The following SPMIP2 variants were observed in gnomAD, a reference collection of about 807,000 sequenced individuals.
SPMIP2 encodes protein SPMIP2.
At chr4:158,941,761 T>A in the SPMIP2 span, among the ~76,000 whole-genome samples, 98,724 of 151,590 alleles carry the variant, frequency 0.65, 32,557 homozygotes, top group East Asian at 0.88. Flanking sequence ...TGTGGCTTTT[T>A]AAAGAAAGTA....
the SPMIP2 span, among the ~76,000 whole-genome samples, chr4:158,985,922 C>G: frequency 1.3e-5 from 2 of 150,400 alleles, no homozygotes; most frequent in African/African-American, 4.9e-5. Flanking sequence ...AGCTGATAAG[C>G]AACTTCAGAA....
chr4:158,918,132 G>A, the SPMIP2 span, among the ~76,000 whole-genome samples: 1 of 152,110 alleles, frequency 6.6e-6, no homozygotes, highest in African/African-American at 2.4e-5. Flanking sequence ...TTCGTCATTG[G>A]CTCCCCAGTG....
chr4:158,926,479 TA>T, the SPMIP2 span, among the ~76,000 whole-genome samples: 19 of 152,202 alleles, frequency 1.2e-4, no homozygotes, highest in African/African-American at 3.9e-4. Flanking sequence ...TACAAATTTT[TA>T]ATTATTGATT....
chr4:159,055,944 T>C, the SPMIP2 span, among the ~76,000 whole-genome samples: 1 of 152,142 alleles, frequency 6.6e-6, no homozygotes, highest in Non-Finnish European at 1.5e-5. Flanking sequence ...AATGTAAATG[T>C]ATGCCACAGA....
At chr4:158,986,991 CAAA>C in the SPMIP2 span, among the ~76,000 whole-genome samples, 1 of 141,904 alleles carries the variant, frequency 7.0e-6, no homozygotes, top group African/African-American at 2.6e-5. Flanking sequence ...AGACACTTCT[CAAA>C]AGAAGACATT....
chr4:159,066,150 C>T, the SPMIP2 span, among the ~76,000 whole-genome samples: 6 of 152,114 alleles, frequency 3.9e-5, no homozygotes, highest in African/African-American at 9.7e-5. Context: ...TTACCTTTTA[C>T]GCAAATTTCA....
the SPMIP2 span, among the ~76,000 whole-genome samples, chr4:159,075,469 A>G: frequency 2.6e-5 from 4 of 152,158 alleles, no homozygotes; most frequent in African/African-American, 9.7e-5. Context: ...ATCATTTTGT[A>G]ATTGTGTTTC....
At chr4:159,068,591 C>T in the SPMIP2 span, among the ~76,000 whole-genome samples, 1 of 151,860 alleles carries the variant, frequency 6.6e-6, no homozygotes, top group Non-Finnish European at 1.5e-5. Context: ...AGCACACCAA[C>T]ATGGCACATG....
chr4:158,967,697 G>A, the SPMIP2 span, among the ~76,000 whole-genome samples: 1 of 152,250 alleles, frequency 6.6e-6, no homozygotes, highest in East Asian at 1.9e-4. Context: ...GAACCCCAAG[G>A]TAAATGAGAA....
chr4:158,906,079 GATCTTT>G, the SPMIP2 span: 11 of 152,282 alleles, frequency 7.2e-5, no homozygotes, highest in South Asian at 8.3e-4. Context: ...AGTTTTGTAA[GATCTTT>G]ATCATTTTAT....
the SPMIP2 span, among the ~76,000 whole-genome samples, chr4:159,051,709 T>G: frequency 6.6e-6 from 1 of 152,232 alleles, no homozygotes; most frequent in Admixed American, 6.5e-5. Context: ...ACATTTGCTT[T>G]TTATTTATTA....
chr4:158,915,236 C>T, the SPMIP2 span: 1 of 1,613,752 alleles, frequency 6.2e-7, no homozygotes. Flanking sequence ...ATGACTTACA[C>T]TGCCTAACAA....
the SPMIP2 span, chr4:158,895,999 T>A: frequency 4.7e-6 from 3 of 634,708 alleles, no homozygotes; most frequent in Non-Finnish European, 8.5e-6. Context: ...GTCCATCAGA[T>A]ACGTGCCTCT....
chr4:158,897,390 A>AG, the SPMIP2 span, among the ~76,000 whole-genome samples: 1 of 152,162 alleles, frequency 6.6e-6, no homozygotes, highest in African/African-American at 2.4e-5. Context: ...TGGTATTTCT[A>AG]GTTCTAGATC....
chr4:159,062,865 T>A, the SPMIP2 span, among the ~76,000 whole-genome samples: 1 of 151,540 alleles, frequency 6.6e-6, no homozygotes, highest in East Asian at 1.9e-4. Context: ...ATTTTTTTTT[T>A]TTTTTTTGTA....
At chr4:158,930,659 ATTT>A in the SPMIP2 span, among the ~76,000 whole-genome samples, 101,566 of 151,368 alleles carry the variant, frequency 0.67, 34,459 homozygotes, top group East Asian at 0.89. Context: ...GCCCAGCTAA[ATTT>A]TTTATTTTTA....
the SPMIP2 span, among the ~76,000 whole-genome samples, chr4:159,077,055 C>T: frequency 3.1e-3 from 474 of 152,056 alleles, no homozygotes; most frequent in African/African-American, 0.01. Context: ...AGGATGGTTT[C>T]GAACTCCTGA....
At chr4:159,004,623 TA>T in the SPMIP2 span, among the ~76,000 whole-genome samples, 1,733 of 152,274 alleles carry the variant, frequency 0.011, 29 homozygotes, top group African/African-American at 0.039. Context: ...AGAGCCATTC[TA>T]TGAGTTCCTA....
chr4:158,973,267 T>G, the SPMIP2 span: 1 of 1,613,764 alleles, frequency 6.2e-7, no homozygotes, highest in Non-Finnish European at 8.5e-7. Context: ...ACATAGGAGG[T>G]GTGCTGATGA....
Sources: allele counts gnomAD v4.1 joint callset (sites outside exome capture counted in the v4.1 genomes callset), GRCh38; gene constraint gnomAD v4.1.1; transcripts MANE v1.5; gene names NCBI Gene and HGNC (gene_info 2026-07-23, HGNC 2026-07-21).